Variants in PCDHA3 observed in about 807,000 individuals in gnomAD.
PCDHA3 encodes protocadherin alpha 3.
In PCDHA3, 41 loss-of-function variants were observed where a neutral mutation model predicts 62.2. The observed-to-expected ratio is 0.66, with a 90% CI of 0.51 to 0.86. The LOEUF is 0.86. PCDHA3 is among the 40% of genes least tolerant of loss of function. The pLI is 0.00. For synonymous variants in PCDHA3, 640 were observed against 555.4 expected, an observed-to-expected ratio of 1.15 and a Z score of -2.14; for missense variants, 1,304 against 1,241.2, an observed-to-expected ratio of 1.05 and a Z score of -0.76.
intron 1 of PCDHA3, chr5:140,827,916 T>C: frequency 1.1e-6 from 1 of 884,046 alleles, no homozygotes; most frequent in Non-Finnish European, 1.7e-6. Context: ...ATGATGTCGC[T>C]GTCTACCATG....
At position 140,941,202 on chromosome 5, in the gene PCDHA3, C is replaced by CCCTTCTTTCTTTCTTT. The variant is rs2092811279; in HGVS notation, c.2395-37746_2395-37745insCTTCTTTCTTTCTTTC. Among the ~76,000 whole-genome samples, 5 of 122,742 alleles carry CCCTTCTTTCTTTCTTT rather than the reference C, an allele frequency of 4.1e-5. No homozygotes were observed. The East Asian group carries it at 1.1e-3, about 27-fold the overall frequency. 80.5% of individuals were successfully genotyped at this position (122,742 alleles called of 152,430 possible). On this transcript the variant is annotated intron_variant, in intron 1 of 3. Transcript: ENST00000522353. ...TCCTGCTTCTTTTTTTTTCTTTCTTCCTTTCTTTCTTCCTTTCTTTCTTTC... is the reference window on the plus strand; with the variant it reads ...TCCTGCTTCTTTTTTTTTCTTTCTTCCCTTCTTTCTTTCTTTCTTTCTTTCTTCCTTTCTTTCTTTC...
intron 1 of PCDHA3, chr5:140,836,228 G>A (rs2150255962): frequency 1.2e-6 from 2 of 1,613,770 alleles, no homozygotes; most frequent in Admixed American, 1.7e-5. Context: ...AACCGGTGGC[G>A]GCCGGTGCGA....
intron 1 of PCDHA3, chr5:140,804,762 G>A (rs1554123132): frequency 4.2e-6 from 1 of 240,016 alleles, no homozygotes; most frequent in African/African-American, 2.2e-5. Context: ...CTAGCAATTA[G>A]TTGGACTCCC....
chr5:140,990,984 A>G (rs1213067851), intron 3 of PCDHA3, among the ~76,000 whole-genome samples: 4 of 152,200 alleles, frequency 2.6e-5, no homozygotes, highest in Admixed American at 6.5e-5. Context: ...AAGGAAGACA[A>G]TAGCTACCAT....
intron 1 of PCDHA3, chr5:140,866,111 C>T (rs2049154536): frequency 6.6e-6 from 1 of 151,970 alleles, no homozygotes; most frequent in South Asian, 2.1e-4. Flanking sequence ...TTAAGAGTTG[C>T]CTTATAAGAA....
At chr5:140,902,509 A>G (rs1242435474) in intron 1 of PCDHA3, among the ~76,000 whole-genome samples, 2 of 152,056 alleles carry the variant, frequency 1.3e-5, no homozygotes, top group Non-Finnish European at 2.9e-5. Context: ...TGAGTCTGTC[A>G]TATATGGTTT....
intron 1 of PCDHA3, chr5:140,968,168 A>T (rs145694919): frequency 3.1e-6 from 5 of 1,614,098 alleles, no homozygotes; most frequent in Non-Finnish European, 4.2e-6. Context: ...CAATCCACCA[A>T]GCTTCCTGGA....
At chr5:140,843,004 C>A (rs782142006) in intron 1 of PCDHA3, 1 of 1,595,032 alleles carries the variant, frequency 6.3e-7, no homozygotes, top group African/African-American at 1.3e-5. Flanking sequence ...AGAATGACAA[C>A]GCGCCGGCAC....
At chr5:141,003,762 G>A (rs1295345972) in intron 3 of PCDHA3, among the ~76,000 whole-genome samples, 1 of 152,146 alleles carries the variant, frequency 6.6e-6, no homozygotes, top group East Asian at 1.9e-4. Flanking sequence ...AATTATGGTC[G>A]TATTCTGTTA....
chr5:140,993,001 TC>T (rs1554253322), intron 3 of PCDHA3, among the ~76,000 whole-genome samples: 4 of 152,124 alleles, frequency 2.6e-5, no homozygotes, highest in Admixed American at 2.6e-4. Context: ...TGAAAGAGCC[TC>T]CCCAGAGTCC....
In PCDHA3 at chr5:140,855,001, ATAT is replaced by A. The variant is rs1304130287; in HGVS notation, c.2394+51414_2394+51416del. On this transcript the variant is annotated intron_variant, in intron 1 of 3. Transcript: ENST00000522353. Reference sequence around the variant, plus strand: ...TTAAGATTCTTTTTGCCCGTGTAAGATATTATAAAATGAAACTTCTTGTATAAA... The same window carrying A: ...TTAAGATTCTTTTTGCCCGTGTAAGATATAAAATGAAACTTCTTGTATAAA... Among the ~76,000 whole-genome samples the A allele has an allele frequency of 2.0e-5, 3 of 149,948 alleles. 1 individual carries two copies. The highest frequency in any genetic ancestry group is 4.5e-5 in the Non-Finnish European group (3 of 67,104).
intron 1 of PCDHA3, chr5:140,869,684 T>A: frequency 6.2e-7 from 1 of 1,613,486 alleles, no homozygotes; most frequent in Non-Finnish European, 8.5e-7. Context: ...AGACTGTCAC[T>A]TATTTTAAAG....
At position 140,870,948 on chromosome 5, in the gene PCDHA3, C is replaced by T. The variant is rs868931274; in HGVS notation, c.2394+67357C>T. ...CATATGAATTGCAGCCGGCGGCGGG[C>T]GGCTCGCGCATCCCGTTCCGCGTGG... On this transcript the variant is annotated intron_variant, in intron 1 of 3. Coordinates refer to ENST00000522353, the MANE Select transcript of PCDHA3 (RefSeq NM_018906.3). 3.0e-5 allele frequency: 49 copies of T among 1,613,584 alleles called. 1 individual carries two copies. The Middle Eastern group carries it at 7.0e-3, about 229-fold the overall frequency.
intron 1 of PCDHA3, chr5:140,827,834 A>G: frequency 2.3e-6 from 1 of 435,400 alleles, no homozygotes; most frequent in Non-Finnish European, 4.0e-6. Flanking sequence ...AAGTAGAGAA[A>G]AGAAGATACT....
At chr5:140,982,607 G>T (rs868934947) in intron 3 of PCDHA3, 44 bp downstream of exon 3, 2 of 1,601,622 alleles carry the variant, frequency 1.2e-6, no homozygotes, top group South Asian at 1.1e-5. Flanking sequence ...TTTCTGGAAA[G>T]TGATCAGATG....
At chr5:140,884,622 G>A (rs781857198) in intron 1 of PCDHA3, 1 of 1,613,948 alleles carries the variant, frequency 6.2e-7, no homozygotes, top group Non-Finnish European at 8.5e-7. Context: ...TCTGCAGAGG[G>A]AACAGGCCAG....
chr5:140,878,253 G>A lies in PCDHA3; in HGVS notation c.2394+74662G>A, dbSNP rs182369955. 2.6e-3 allele frequency among the ~76,000 whole-genome samples: 400 copies of A among 152,208 alleles called. 1 individual carries two copies. The highest frequency in any genetic ancestry group is 9.2e-3 in the African/African-American group (384 of 41,530). Reference sequence around the variant, plus strand: ...AATGGATTCTTTAACTCTTCCTCACGTGCTTAGGCTTTTAAAATAGCCTTC... The same window carrying A: ...AATGGATTCTTTAACTCTTCCTCACATGCTTAGGCTTTTAAAATAGCCTTC... On this transcript the variant is annotated intron_variant, in intron 1 of 3. Transcript: ENST00000522353.
chr5:141,003,520 C>T (rs1171208921), intron 3 of PCDHA3, among the ~76,000 whole-genome samples: 2 of 152,126 alleles, frequency 1.3e-5, no homozygotes, highest in Admixed American at 6.5e-5. Flanking sequence ...ACCATGTTCC[C>T]TAGGCTGGTC....
At chr5:140,845,368 C>A (rs1281318130) in intron 1 of PCDHA3, among the ~76,000 whole-genome samples, 1 of 149,482 alleles carries the variant, frequency 6.7e-6, no homozygotes, top group African/African-American at 2.4e-5. Context: ...TACAAAATAT[C>A]ATAAATAGGA....
Sources: gnomAD v4.1 joint callset for allele counts (sites outside exome capture counted in the v4.1 genomes callset) on GRCh38, gnomAD v4.1.1 for gene constraint, MANE v1.5 for transcripts, NCBI Gene and HGNC (gene_info 2026-07-23, HGNC 2026-07-21) for gene names.